TRIM44: variants seen among roughly 807,000 people sequenced by gnomAD.
TRIM44 encodes the protein tripartite motif containing 44, also known as tripartite motif-containing protein 44.
Under a neutral mutation model 37.4 loss-of-function variants are expected in TRIM44, and 13 were observed. The observed-to-expected ratio is 0.35, with a 90% CI of 0.23 to 0.55. TRIM44 has a LOEUF of 0.55. Among genes scored for constraint, TRIM44 ranks in the 20% least tolerant of loss-of-function variants. The probability of loss-of-function intolerance (pLI) is 0.89; values close to 1 mark genes in which losing one functional copy is unlikely to be tolerated. For synonymous variants in TRIM44, 175 were observed against 157.2 expected, an observed-to-expected ratio of 1.11 and a Z score of -0.85; for missense variants, 426 against 437.2, an observed-to-expected ratio of 0.97 and a Z score of 0.23.
chr11:35,696,846 C>CA lies in TRIM44; in HGVS notation c.747+11521dup, dbSNP rs35624288. On this transcript the variant is annotated intron_variant, in intron 2 of 4. Transcript: ENST00000299413. ...TGAGCAACAAGAGTGAAACTCTGTC[C>CA]AAAAAAAAAAACAACAATTAATTAA... 1.1e-3 allele frequency among the ~76,000 whole-genome samples: 145 copies of CA among 131,516 alleles called. 3 individuals are homozygous for CA. Among genetic ancestry groups the CA allele is most frequent in the East Asian group, 2.7e-3 (12 of 4,514 alleles). The allele number at this position is 131,516 out of a possible 152,430, so 86.3% of individuals were successfully genotyped here.
chr11:35,790,242 A>G (rs1853189337), intron 4 of TRIM44, among the ~76,000 whole-genome samples: 1 of 152,166 alleles, frequency 6.6e-6, no homozygotes, highest in Non-Finnish European at 1.5e-5. Flanking sequence ...TTGTCTTGTA[A>G]TACATACTGA....
chr11:35,680,391 TAGA>T (rs1398863450), intron 1 of TRIM44, among the ~76,000 whole-genome samples: 1 of 152,148 alleles, frequency 6.6e-6, no homozygotes, highest in Non-Finnish European at 1.5e-5. Context: ...ATGTCACTCA[TAGA>T]AAGTAATAAT....
chr11:35,764,633 G>A (rs186674143), intron 4 of TRIM44, among the ~76,000 whole-genome samples: 23 of 152,248 alleles, frequency 1.5e-4, no homozygotes, highest in African/African-American at 5.3e-4. Flanking sequence ...CATCACAGTT[G>A]TTAATGGTTT....
chr11:35,692,400 T>C (rs796515607), intron 2 of TRIM44, among the ~76,000 whole-genome samples: 1 of 152,214 alleles, frequency 6.6e-6, no homozygotes, highest in African/African-American at 2.4e-5. Context: ...AATGGTATTA[T>C]AGATTGAGTA....
intron 2 of TRIM44, among the ~76,000 whole-genome samples, chr11:35,725,583 G>A (rs1004013613): frequency 3.9e-5 from 6 of 152,064 alleles, no homozygotes; most frequent in African/African-American, 1.4e-4. Flanking sequence ...TGATCCAGCC[G>A]CCTTGGCCTC....
At chr11:35,669,241 A>T (rs994598253) in intron 1 of TRIM44, among the ~76,000 whole-genome samples, 6 of 152,106 alleles carry the variant, frequency 3.9e-5, no homozygotes. Context: ...CCTTCTACTA[A>T]ATTAATTTCT....
chr11:35,804,742 T>C (rs146004439), intron 4 of TRIM44, among the ~76,000 whole-genome samples: 4 of 152,288 alleles, frequency 2.6e-5, no homozygotes, highest in Non-Finnish European at 5.9e-5. Flanking sequence ...ATTTCCAGCA[T>C]GCACCCTTCA....
At chr11:35,668,174 T>C (rs1168558060) in intron 1 of TRIM44, among the ~76,000 whole-genome samples, 1 of 152,260 alleles carries the variant, frequency 6.6e-6, no homozygotes, top group African/African-American at 2.4e-5. Context: ...TGGTTTTACA[T>C]TTTTTAACTG....
chr11:35,687,236 G>A (rs1851592843), intron 2 of TRIM44, among the ~76,000 whole-genome samples: 1 of 152,158 alleles, frequency 6.6e-6, no homozygotes, highest in Non-Finnish European at 1.5e-5. Flanking sequence ...ATAGACTGGT[G>A]GGCTCTTCAA....
intron 4 of TRIM44, among the ~76,000 whole-genome samples, chr11:35,785,939 G>T (rs559654612): frequency 3.3e-4 from 50 of 152,296 alleles, no homozygotes; most frequent in African/African-American, 1.2e-3. Flanking sequence ...AGAGAATGTG[G>T]CACTTTATTT....
At chr11:35,722,363 T>G (rs1852120301) in intron 2 of TRIM44, among the ~76,000 whole-genome samples, 1 of 152,222 alleles carries the variant, frequency 6.6e-6, no homozygotes, top group Non-Finnish European at 1.5e-5. Context: ...AGAGGGTTCT[T>G]GGATCTTGCT....
intron 4 of TRIM44, among the ~76,000 whole-genome samples, chr11:35,804,381 T>C (rs1853419936): frequency 6.6e-6 from 1 of 152,228 alleles, no homozygotes; most frequent in African/African-American, 2.4e-5. Context: ...GTTGTTGACT[T>C]CTTTGAAAAT....
intron 1 of TRIM44, among the ~76,000 whole-genome samples, chr11:35,671,930 T>G (rs1851397509): frequency 6.6e-6 from 1 of 152,216 alleles, no homozygotes; most frequent in Non-Finnish European, 1.5e-5. Context: ...ACTTCTTACC[T>G]GAGTCATGAC....
At chr11:35,747,190 C>G (rs1002280668) in intron 4 of TRIM44, among the ~76,000 whole-genome samples, 1 of 152,182 alleles carries the variant, frequency 6.6e-6, no homozygotes. Flanking sequence ...ACTAAGCTGC[C>G]AACTTCTCGC....
In TRIM44 at chr11:35,681,869, A is replaced by G. The variant is rs575438956; in HGVS notation, c.670-3390A>G. ...AAATAATTAACCAAAACATGGTACT[A>G]TTCTATGGTTTGGGGATACTCAGAC... is the stretch of plus-strand genomic sequence containing the variant. On this transcript the variant is annotated intron_variant, in intron 1 of 4. Transcript: ENST00000299413. Among the ~76,000 whole-genome samples the G allele has an allele frequency of 1.0e-3, 158 of 150,852 alleles. 5 individuals are homozygous for G. The South Asian group carries it at 0.023, about 22-fold the overall frequency.
At chr11:35,766,575 T>G (rs908227846) in intron 4 of TRIM44, among the ~76,000 whole-genome samples, 1 of 152,236 alleles carries the variant, frequency 6.6e-6, no homozygotes, top group Non-Finnish European at 1.5e-5. Context: ...CAAATTCTAC[T>G]TCTTCCATGT....
At chr11:35,673,249 T>C (rs532553753) in intron 1 of TRIM44, among the ~76,000 whole-genome samples, 1 of 152,236 alleles carries the variant, frequency 6.6e-6, no homozygotes, top group South Asian at 2.1e-4. Context: ...AAGGCATCTC[T>C]GAGCATATGA....
intron 1 of TRIM44, among the ~76,000 whole-genome samples, chr11:35,674,253 T>TGTGTGTGC (rs34513366): frequency 6.6e-6 from 1 of 151,818 alleles, no homozygotes; most frequent in African/African-American, 2.4e-5. Flanking sequence ...TGTGTGTGTG[T>TGTGTGTGC]ACACATGCGC....
At chr11:35,708,994 A>C (rs1338298276) in intron 2 of TRIM44, among the ~76,000 whole-genome samples, 4 of 132,154 alleles carry the variant, frequency 3.0e-5, no homozygotes, top group East Asian at 2.3e-4. Context: ...CCCCCCCCCA[A>C]AAAAAAAGAA....
Sources: gnomAD v4.1 joint callset for allele counts (sites outside exome capture counted in the v4.1 genomes callset) on GRCh38, gnomAD v4.1.1 for gene constraint, MANE v1.5 for transcripts, NCBI Gene and HGNC (gene_info 2026-07-23, HGNC 2026-07-21) for gene names.